The following NAALADL2 variants were observed in gnomAD, a reference collection of about 807,000 sequenced individuals.
NAALADL2 encodes the protein N-acetylated alpha-linked acidic dipeptidase like 2.
Under a neutral mutation model 87.2 loss-of-function variants are expected in NAALADL2, and 76 were observed. That is an observed-to-expected ratio of 0.87 (90% CI 0.72 to 1.05). NAALADL2 has a LOEUF of 1.05. Among genes scored for constraint, NAALADL2 ranks in the 50% least tolerant of loss-of-function variants. NAALADL2 has a pLI of 0.00. For synonymous variants in NAALADL2, 354 were observed against 331.0 expected (o/e 1.07, Z -0.75); for missense variants, 1,089 against 945.8 (o/e 1.15, Z -1.99).
intron 1 of NAALADL2, among the ~76,000 whole-genome samples, chr3:175,025,579 TACTA>T (rs1332100575): frequency 6.6e-6 from 1 of 152,208 alleles, no homozygotes; most frequent in African/African-American, 2.4e-5. Context: ...ACCTTCAAAC[TACTA>T]ACTGTTTATT....
chr3:174,933,863 A>G (rs534154718), intron 1 of NAALADL2, among the ~76,000 whole-genome samples: 6 of 152,294 alleles, frequency 3.9e-5, no homozygotes, highest in Admixed American at 1.3e-4. Context: ...CTTTGGAACT[A>G]GAAGGTACTG....
intron 1 of NAALADL2, among the ~76,000 whole-genome samples, chr3:174,532,446 A>G (rs1721331800): frequency 6.6e-6 from 1 of 152,166 alleles, no homozygotes; most frequent in South Asian, 2.1e-4. Flanking sequence ...GAGGGTATGG[A>G]AATTGCCTAA....
At chr3:174,584,878 G>T (rs1238656869) in intron 2 of NAALADL2, among the ~76,000 whole-genome samples, 2 of 152,090 alleles carry the variant, frequency 1.3e-5, no homozygotes, top group Non-Finnish European at 2.9e-5. Context: ...GCACTCTCTT[G>T]ATCAACTTCA....
chr3:174,804,672 C>A (rs1186248110), intron 3 of NAALADL2, among the ~76,000 whole-genome samples: 3 of 151,724 alleles, frequency 2.0e-5, no homozygotes, highest in African/African-American at 7.3e-5. Flanking sequence ...ATGACATGGA[C>A]CCTAACTTAG....
At chr3:175,117,126 G>T (rs1022067355) in intron 2 of NAALADL2, among the ~76,000 whole-genome samples, 1 of 152,076 alleles carries the variant, frequency 6.6e-6, no homozygotes, top group Non-Finnish European at 1.5e-5. Context: ...ATGAACTAAA[G>T]ACTTAAATAT....
At chr3:175,442,884 G>A (rs760213065) in intron 5 of NAALADL2, among the ~76,000 whole-genome samples, 2 of 152,122 alleles carry the variant, frequency 1.3e-5, no homozygotes, top group Non-Finnish European at 2.9e-5. Flanking sequence ...AGTCTTTTTT[G>A]TATGGTATCC....
chr3:175,127,335 T>C (rs1257965114), intron 2 of NAALADL2, among the ~76,000 whole-genome samples: 2 of 152,174 alleles, frequency 1.3e-5, no homozygotes, highest in Non-Finnish European at 2.9e-5. Context: ...GTTCTTCTCC[T>C]ATAAGGTATC....
intron 2 of NAALADL2, among the ~76,000 whole-genome samples, chr3:175,171,442 A>T (rs939012317): frequency 6.6e-6 from 1 of 152,096 alleles, no homozygotes. Flanking sequence ...AGTTGTGTGT[A>T]TAATATATTC....
At chr3:175,708,409 T>C (rs1740035340) in intron 11 of NAALADL2, among the ~76,000 whole-genome samples, 1 of 151,998 alleles carries the variant, frequency 6.6e-6, no homozygotes, top group Non-Finnish European at 1.5e-5. Flanking sequence ...TGGCTCAGAT[T>C]AGAGTAGTGG....
intron 13 of NAALADL2, among the ~76,000 whole-genome samples, chr3:175,758,779 G>T (rs1323580470): frequency 6.6e-6 from 1 of 151,940 alleles, no homozygotes; most frequent in Non-Finnish European, 1.5e-5. Flanking sequence ...AACATTTGGT[G>T]AACAGGGTTC....
intron 11 of NAALADL2, among the ~76,000 whole-genome samples, chr3:175,711,672 T>C (rs1427774226): frequency 2.0e-5 from 3 of 151,936 alleles, no homozygotes; most frequent in Admixed American, 6.6e-5. Context: ...AAAATGTATT[T>C]TTATTTTAAG....
At chr3:175,552,289 T>C (rs769796399) in intron 9 of NAALADL2, among the ~76,000 whole-genome samples, 13 of 152,180 alleles carry the variant, frequency 8.5e-5, no homozygotes, top group Non-Finnish European at 1.9e-4. Flanking sequence ...AAAAGAACAG[T>C]GTATTCACTA....
At chr3:175,677,839 C>G (rs1037054742) in intron 11 of NAALADL2, among the ~76,000 whole-genome samples, 1 of 152,272 alleles carries the variant, frequency 6.6e-6, no homozygotes, top group East Asian at 1.9e-4. Context: ...CTGAATAGTT[C>G]AAGCAAACAT....
At chr3:175,575,956 C>A in intron 9 of NAALADL2, 85 bp from the exon 10 acceptor site, 1 of 1,118,338 alleles carries the variant, frequency 8.9e-7, no homozygotes, top group African/African-American at 1.6e-5. Flanking sequence ...TGCTGCTGAT[C>A]TGTGGACCAT....
intron 1 of NAALADL2, among the ~76,000 whole-genome samples, chr3:174,509,165 T>G (rs1004561443): frequency 6.6e-6 from 1 of 151,996 alleles, no homozygotes; most frequent in East Asian, 1.9e-4. Flanking sequence ...ATATTGAATA[T>G]ATAAGTGGCA....
chr3:174,587,239 G>T (rs560192178), intron 2 of NAALADL2, among the ~76,000 whole-genome samples: 1 of 152,210 alleles, frequency 6.6e-6, no homozygotes, highest in African/African-American at 2.4e-5. Context: ...ATCATTGATG[G>T]ACATTTGGGT....
chr3:175,286,974 G>GGC (rs1755048773), intron 4 of NAALADL2, among the ~76,000 whole-genome samples: 1 of 151,314 alleles, frequency 6.6e-6, no homozygotes. Context: ...CGGAGGGTAT[G>GGC]GTGGGGGTGG....
intron 1 of NAALADL2, chr3:174,523,397 T>A (rs1022753676): frequency 2.0e-5 from 3 of 152,182 alleles, no homozygotes; most frequent in Non-Finnish European, 4.4e-5. Flanking sequence ...TCATAACTCT[T>A]TTCCCATTAT....
chr3:175,111,918 T>C (rs1724258655), intron 2 of NAALADL2, among the ~76,000 whole-genome samples: 1 of 151,672 alleles, frequency 6.6e-6, no homozygotes, highest in African/African-American at 2.4e-5. Context: ...CTGGTCTGCC[T>C]GGGATCAAAT....
Sources: allele counts gnomAD v4.1 joint callset (sites outside exome capture counted in the v4.1 genomes callset), GRCh38; gene constraint gnomAD v4.1.1; transcripts MANE v1.5; gene names NCBI Gene and HGNC (gene_info 2026-07-23, HGNC 2026-07-21).